The following DYRK3 variants were observed in gnomAD, a reference collection of about 807,000 sequenced individuals.
DYRK3 encodes the protein dual specificity tyrosine-phosphorylation-regulated kinase 3.
DYRK3 carries 30 observed loss-of-function variants against 40.8 expected under a neutral mutation model. That is an observed-to-expected ratio of 0.74 (90% CI 0.55 to 1.00). DYRK3 has a LOEUF of 1.00. DYRK3 is among the 50% of genes least tolerant of loss of function. The pLI is 0.00. For missense variants in DYRK3, 699 were observed against 731.5 expected, an observed-to-expected ratio of 0.96 and a Z score of 0.51; for synonymous variants, 272 against 260.7, an observed-to-expected ratio of 1.04 and a Z score of -0.42.
chr1:206,646,480 G>A (rs1012347565), intron 2 of DYRK3, among the ~76,000 whole-genome samples: 1 of 149,480 alleles, frequency 6.7e-6, no homozygotes, highest in Non-Finnish European at 1.5e-5. Flanking sequence ...GTAGGCTCTT[G>A]CTAGGGAAGA....
In DYRK3 at chr1:206,653,899, T is replaced by C. The variant is rs1671692098; in HGVS notation, c.*4934T>C. 6.6e-6 allele frequency among the ~76,000 whole-genome samples: 1 copy of C among 152,182 alleles called. No individual in the cohort carries two copies. Among genetic ancestry groups the C allele is most frequent in the African/African-American group, 2.4e-5 (1 of 41,448 alleles). On this transcript the variant is annotated 3_prime_UTR_variant, in exon 3 of 3. Coordinates refer to ENST00000367109, the MANE Select transcript of DYRK3 (RefSeq NM_003582.4). Reference sequence around the variant, plus strand: ...CTGGCTAATGTCATTACAATTTAGTTTTTGTGACAATCTGTTAAGAAGGGG... The same window carrying C: ...CTGGCTAATGTCATTACAATTTAGTCTTTGTGACAATCTGTTAAGAAGGGG...
At chr1:206,641,066 A>G (rs1671275360) in intron 2 of DYRK3, among the ~76,000 whole-genome samples, 1 of 152,098 alleles carries the variant, frequency 6.6e-6, no homozygotes, top group Non-Finnish European at 1.5e-5. Flanking sequence ...ATAACCCTAG[A>G]CTAGAAATAT....
chr1:206,648,728 C>T lies in DYRK3; in HGVS notation c.1530C>T (p.Arg510=). 1.9e-6 allele frequency: 3 copies of T among 1,614,050 alleles called. No homozygotes were observed. The highest frequency in any genetic ancestry group is 2.5e-6 in the Non-Finnish European group (3 of 1,179,934). The change falls in exon 3 of 3, where the codon CGC becomes CGT. Residue 510 remains arginine, a synonymous_variant. Coordinates refer to ENST00000367109, the MANE Select transcript of DYRK3 (RefSeq NM_003582.4). ...GTCTTCACTGGGACCCCTCTGCCCG[C>T]TTGACCCCAGCTCAAGCATTAAGAC... ...KRCLHWDPSA[R]LTPAQALRHP... is the part of the protein sequence containing the mutation.
In DYRK3 at chr1:206,648,162, T is replaced by C; in HGVS notation, c.964T>C (p.Ser322Pro). Residue 322 changes from serine to proline, a missense_variant, in exon 3 of 3, where the codon TCT (serine) becomes CCT (proline). Physicochemically the swap from Ser to Pro is moderately conservative, Grantham distance 74. Transcript: ENST00000367109. ...VRKFAQSILQ[S>P]LDALHKNKII... ...CAAGTTTGCCCAGTCCATCTTGCAATCTTTGGATGCCCTCCACAAAAATAA... is the reference window on the plus strand; with the variant it reads ...CAAGTTTGCCCAGTCCATCTTGCAACCTTTGGATGCCCTCCACAAAAATAA... 1.2e-6 allele frequency: 2 copies of C among 1,614,120 alleles called. No individual in the cohort carries two copies. Among genetic ancestry groups the C allele is most frequent in the Non-Finnish European group, 1.7e-6 (2 of 1,180,026 alleles).
chr1:206,648,125 C>G lies in DYRK3; in HGVS notation c.927C>G (p.Val309=), dbSNP rs371479482. 3.7e-6 allele frequency: 6 copies of G among 1,614,014 alleles called. No homozygotes were observed. The African/African-American group carries it at 8.0e-5, about 22-fold the overall frequency. The change falls in exon 3 of 3, where the codon GTC becomes GTG. Residue 309 remains valine (V), a synonymous_variant. Transcript: ENST00000367109. ...AAAATAAGTTTCAGGGTTTTAGCGT[C>G]CAGTTGGTACGCAAGTTTGCCCAGT... ...IKKNKFQGFS[V]QLVRKFAQSI...
intron 2 of DYRK3, among the ~76,000 whole-genome samples, chr1:206,639,102 C>T (rs1211710026): frequency 6.6e-6 from 1 of 152,090 alleles, no homozygotes; most frequent in Non-Finnish European, 1.5e-5. Context: ...GCTGGTCTAA[C>T]TCCTGACCTT....
At chr1:206,635,948 C>G in intron 1 of DYRK3, 168 bp downstream of exon 1, 1 of 1,321,064 alleles carries the variant, frequency 7.6e-7, no homozygotes, top group Non-Finnish European at 9.7e-7. Context: ...CTATCAGGGC[C>G]CCCTCCCCCC....
chr1:206,648,316 G>A lies in DYRK3; in HGVS notation c.1118G>A (p.Arg373Gln), dbSNP rs1553420671. The change falls in exon 3 of 3, where the codon CGG becomes CAG. Residue 373 changes from arginine (R) to glutamine (Q), a missense_variant. By Grantham distance (43) the Arg-to-Gln change is conservative. Coordinates refer to ENST00000367109, the MANE Select transcript of DYRK3 (RefSeq NM_003582.4). ...AAGCTCTACACATATATCCAGTCTC[G>A]GTTCTACAGAGCTCCAGAAATCATC... Reference protein sequence around the residue: ...YQKLYTYIQSRFYRAPEIILG... With the variant: ...YQKLYTYIQSQFYRAPEIILG... 13 of 1,613,962 alleles carry A rather than the reference G, an allele frequency of 8.1e-6. No individual in the cohort carries two copies. The highest frequency in any genetic ancestry group is 4.0e-5 in the African/African-American group (3 of 74,882).
intron 2 of DYRK3, among the ~76,000 whole-genome samples, chr1:206,640,617 C>G (rs1334135843): frequency 1.4e-5 from 2 of 144,996 alleles, no homozygotes; most frequent in South Asian, 2.2e-4. Flanking sequence ...GTGGCACTAT[C>G]TCGGCTCATT....
intron 2 of DYRK3, among the ~76,000 whole-genome samples, chr1:206,638,206 G>T (rs1325973894): frequency 6.7e-6 from 1 of 150,292 alleles, no homozygotes; most frequent in Non-Finnish European, 1.5e-5. Flanking sequence ...TTTATAGATA[G>T]ATGATAACTA....
chr1:206,639,272 T>C (rs1020050088), intron 2 of DYRK3, among the ~76,000 whole-genome samples: 5 of 152,166 alleles, frequency 3.3e-5, no homozygotes, highest in Admixed American at 3.3e-4. Flanking sequence ...TTTTGGAGTG[T>C]AGTGGGGTTT....
rs1671592961 is a variant in DYRK3 at position 206,650,094 on chromosome 1, T to G, written c.*1129T>G. ...TTCAACAGCTTTTCTTTTTCTCTGC[T>G]AAGATTTAAACAGTGAGGGCTGATA... On this transcript the variant is annotated 3_prime_UTR_variant, in exon 3 of 3. Coordinates refer to ENST00000367109, the MANE Select transcript of DYRK3 (RefSeq NM_003582.4). 6.6e-6 allele frequency among the ~76,000 whole-genome samples: 1 copy of G among 152,260 alleles called. No individual in the cohort carries two copies. The highest frequency in any genetic ancestry group is 2.1e-4 in the South Asian group (1 of 4,834).
At position 206,647,745 on chromosome 1, in the gene DYRK3, G is replaced by T; in HGVS notation, c.547G>T (p.Gly183Cys). 1 of 1,614,078 alleles carries T rather than the reference G, an allele frequency of 6.2e-7. No individual in the cohort carries two copies. The highest frequency in any genetic ancestry group is 1.3e-5 in the African/African-American group (1 of 74,998). ...TGCCAAGAAAAGACATGGAGTTATT[G>T]GTGGTCCCAATAATGGAGGGTATGA... ...PNAKKRHGVI[G>C]GPNNGGYDDA... Residue 183 changes from glycine to cysteine, a missense_variant, in exon 3 of 3, where the codon GGT becomes TGT. Transcript: ENST00000367109.
At position 206,650,623 on chromosome 1, in the gene DYRK3, TTTA is replaced by T. The variant is rs10551035; in HGVS notation, c.*1664_*1666del. Among the ~76,000 whole-genome samples, 46,498 of 152,012 alleles carry T rather than the reference TTTA, an allele frequency of 0.31. 7,967 individuals carry two copies. The highest frequency in any genetic ancestry group is 0.4 in the South Asian group (1,927 of 4,818). ...TAGTTCTCAGAATGATCCAGTTCCA[TTTA>T]TTATTCTAGAATGTGGTGCAAACTC... is the stretch of plus-strand genomic sequence containing the variant. On this transcript the variant is annotated 3_prime_UTR_variant, in exon 3 of 3. Coordinates refer to ENST00000367109, the MANE Select transcript of DYRK3 (RefSeq NM_003582.4).
Position 206,650,725 on chromosome 1 carries a change from A to G in DYRK3, c.*1760A>G, listed in dbSNP as rs1293742428. Among the ~76,000 whole-genome samples, 1 of 152,214 alleles carries G rather than the reference A, an allele frequency of 6.6e-6. No individual in the cohort carries two copies. The highest frequency in any genetic ancestry group is 1.5e-5 in the Non-Finnish European group (1 of 68,040). ...AAGAAAATAAAAATGCCATGAGTAT[A>G]TTATTTAAGGAACTTTTGTTTTATC... On this transcript the variant is annotated 3_prime_UTR_variant, in exon 3 of 3. Coordinates refer to ENST00000367109, the MANE Select transcript of DYRK3 (RefSeq NM_003582.4).
At chr1:206,646,746 A>G (rs1671466497) in intron 2 of DYRK3, among the ~76,000 whole-genome samples, 1 of 152,206 alleles carries the variant, frequency 6.6e-6, no homozygotes, top group Admixed American at 6.5e-5. Flanking sequence ...TGTTAATGGC[A>G]AGGGCCCTTG....
rs1553421377 is a variant in DYRK3, at chr1:206,651,868, A to G, written c.*2903A>G. 1.3e-5 allele frequency among the ~76,000 whole-genome samples: 2 copies of G among 152,260 alleles called. No individual in the cohort carries two copies. The highest frequency in any genetic ancestry group is 2.4e-5 in the African/African-American group (1 of 41,464). On this transcript the variant is annotated 3_prime_UTR_variant, in exon 3 of 3. Coordinates refer to ENST00000367109, the MANE Select transcript of DYRK3 (RefSeq NM_003582.4). ...CTACTTTTACTATTTTGCATTTTAT[A>G]TCAACATTAGCAGCCTGTTCCCACT...
In DYRK3 at chr1:206,647,417, T is replaced by C; in HGVS notation, c.219T>C (p.His73=). The C allele has an allele frequency of 1.2e-6, 2 of 1,613,534 alleles. No homozygotes were observed. The highest frequency in any genetic ancestry group is 1.7e-6 in the Non-Finnish European group (2 of 1,179,692). The change falls in exon 3 of 3, where the codon CAT becomes CAC. Residue 73 remains histidine (H), a synonymous_variant. Coordinates refer to ENST00000367109, the MANE Select transcript of DYRK3 (RefSeq NM_003582.4). The stretch of plus-strand genomic sequence containing the variant: ...CCACTGAGCAGTTTACAGGAGATCA[T>C]ACTCAGCACTTTTTGGATGGAGGTG... ...NMTTEQFTGD[H]TQHFLDGGEM...
rs199907403 is a variant in DYRK3, at chr1:206,648,194, T to G, written c.996T>G (p.Ile332Met). The G allele has an allele frequency of 1.9e-6, 3 of 1,614,028 alleles. No individual in the cohort carries two copies. Among genetic ancestry groups the G allele is most frequent in the Non-Finnish European group, 1.7e-6 (2 of 1,180,028 alleles). The stretch of plus-strand genomic sequence containing the variant: ...ATGCCCTCCACAAAAATAAGATTAT[T>G]CACTGCGATCTGAAGCCAGAAAACA... Reference protein sequence around the residue: ...SLDALHKNKIIHCDLKPENIL... With the variant: ...SLDALHKNKIMHCDLKPENIL... The change falls in exon 3 of 3, where the codon ATT (isoleucine) becomes ATG (methionine). Residue 332 changes from isoleucine (I) to methionine (M), a missense_variant. Physicochemically the swap from Ile to Met is conservative, Grantham distance 10. Transcript: ENST00000367109.
Sources: allele counts gnomAD v4.1 joint callset (sites outside exome capture counted in the v4.1 genomes callset), GRCh38; gene constraint gnomAD v4.1.1; transcripts MANE v1.5; gene names NCBI Gene and HGNC (gene_info 2026-07-23, HGNC 2026-07-21).